The following TENM1 variants were observed in gnomAD, a reference collection of about 807,000 sequenced individuals.
TENM1 encodes the protein teneurin transmembrane protein 1.
A neutral mutation model predicts 174.8 loss-of-function variants in TENM1; 35 were observed. The observed-to-expected ratio is 0.20, with a 90% CI of 0.15 to 0.27. The LOEUF (loss-of-function observed/expected upper bound fraction) is 0.27. Among genes scored for constraint, TENM1 ranks in the 10% least tolerant of loss-of-function variants. The pLI is 1.00. For synonymous variants in TENM1, 781 were observed against 798.7 expected (o/e 0.98, Z 0.37); for missense variants, 1,633 against 2,130.1 (o/e 0.77, Z 4.59).
At chrX:125,203,965 G>T in the TENM1 span, 1 of 112,962 alleles carries the variant, frequency 8.9e-6, no homozygotes, top group Non-Finnish European at 1.9e-5. Context: ...TCGAGCTGCC[G>T]CTCGGGCCCC....
the TENM1 span, among the ~76,000 whole-genome samples, chrX:125,010,798 A>T: frequency 2.0e-5 from 2 of 102,294 alleles, no homozygotes; most frequent in Non-Finnish European, 3.9e-5. Context: ...TGGGCAACAG[A>T]GCAAGACTCC....
At chrX:124,820,064 G>A (rs1381144167) in intron 3 of TENM1, among the ~76,000 whole-genome samples, 2 of 110,849 alleles carry the variant, frequency 1.8e-5, no homozygotes, top group East Asian at 2.9e-4. Flanking sequence ...TGGGTGCTGG[G>A]ATTACAGGAG....
chrX:124,617,613 G>A (rs1162331047), intron 11 of TENM1, among the ~76,000 whole-genome samples: 1 of 112,085 alleles, frequency 8.9e-6, no homozygotes. Context: ...GACTGCATTA[G>A]GCCCTTCTAG....
chrX:124,746,165 T>C (rs2053914235), intron 3 of TENM1, among the ~76,000 whole-genome samples: 1 of 112,280 alleles, frequency 8.9e-6, no homozygotes, highest in Non-Finnish European at 1.9e-5. Context: ...TTCAAAAATT[T>C]AAAGTTTGAA....
the TENM1 span, among the ~76,000 whole-genome samples, chrX:125,038,895 G>T: frequency 9.0e-6 from 1 of 111,688 alleles, no homozygotes; most frequent in Admixed American, 9.5e-5. Flanking sequence ...TATTCCAAAA[G>T]ACTAGGCTTA....
intron 3 of TENM1, among the ~76,000 whole-genome samples, chrX:124,773,487 T>C (rs1232181366): frequency 1.9e-5 from 2 of 106,367 alleles, no homozygotes; most frequent in Non-Finnish European, 1.9e-5. Flanking sequence ...AAATGAAAAA[T>C]TGAGCTCACA....
intron 22 of TENM1, among the ~76,000 whole-genome samples, chrX:124,454,678 A>T (rs2061084809): frequency 8.9e-6 from 1 of 111,957 alleles, no homozygotes; most frequent in Non-Finnish European, 1.9e-5. Context: ...GTGGGATTAC[A>T]GGCGTGAGAT....
chrX:124,535,872 G>A (rs902819354), intron 15 of TENM1, among the ~76,000 whole-genome samples: 6 of 112,030 alleles, frequency 5.4e-5, no homozygotes, highest in Non-Finnish European at 1.1e-4. Flanking sequence ...CAGTGACTAC[G>A]TTGAGATTCC....
chrX:124,614,075 G>T (rs1042234841), intron 11 of TENM1, among the ~76,000 whole-genome samples: 1 of 111,568 alleles, frequency 9.0e-6, no homozygotes, highest in African/African-American at 3.3e-5. Flanking sequence ...CTGTTTTCTG[G>T]GGGGGTTGGG....
chrX:124,443,042 C>CTGTGTGTGTG lies in TENM1; in HGVS notation c.4104+10294_4104+10295insCACACACACA, dbSNP rs1288057201. Among the ~76,000 whole-genome samples the CTGTGTGTGTG allele has an allele frequency of 1.0e-3, 43 of 42,169 alleles. 1 individual carries two copies. The highest frequency in any genetic ancestry group is 4.5e-3 in the African/African-American group (42 of 9,266). 36.6% of individuals were successfully genotyped at this position (42,169 alleles called of 115,157 possible). On this transcript the variant is annotated intron_variant, in intron 23 of 31. Coordinates refer to ENST00000422452, the Ensembl canonical transcript of TENM1. The stretch of plus-strand genomic sequence containing the variant: ...GCTGTAACTTTTCATGCCTGGATGA[C>CTGTGTGTGTG]TATGTGTGTGTGTGTGTGTGTGTGT...
chrX:124,623,099 A>C (rs1371562964), intron 11 of TENM1, among the ~76,000 whole-genome samples: 1 of 112,206 alleles, frequency 8.9e-6, no homozygotes, highest in Non-Finnish European at 1.9e-5. Context: ...ATTCTTTATA[A>C]ATGGAAACAA....
intron 18 of TENM1, among the ~76,000 whole-genome samples, chrX:124,507,641 T>A (rs1364431602): frequency 8.9e-6 from 1 of 111,884 alleles, no homozygotes; most frequent in African/African-American, 3.3e-5. Flanking sequence ...TTGTATGACA[T>A]GGGGATGGCA....
intron 28 of TENM1, among the ~76,000 whole-genome samples, chrX:124,389,063 C>G (rs1227857679): frequency 1.8e-5 from 2 of 111,895 alleles, no homozygotes; most frequent in East Asian, 5.6e-4. Flanking sequence ...TTAATGACCA[C>G]ATAGAGAAAA....
intron 3 of TENM1, among the ~76,000 whole-genome samples, chrX:124,771,933 A>G (rs1445907695): frequency 8.9e-6 from 1 of 111,935 alleles, no homozygotes; most frequent in East Asian, 2.8e-4. Context: ...TTAAGTCCAT[A>G]TAATATTTAA....
chrX:124,476,471 C>T (rs2046726938), intron 22 of TENM1, among the ~76,000 whole-genome samples: 1 of 111,970 alleles, frequency 8.9e-6, no homozygotes. Flanking sequence ...TCCTATGGAA[C>T]AGCTCAGAGG....
At chrX:124,651,893 A>C in intron 8 of TENM1, 21 bp downstream of exon 11, 1 of 1,202,595 alleles carries the variant, frequency 8.3e-7, no homozygotes, top group Non-Finnish European at 1.1e-6. Flanking sequence ...TCAATTCAAC[A>C]TATTAGGCAA....
the TENM1 span, among the ~76,000 whole-genome samples, chrX:125,179,213 T>G: frequency 2.7e-5 from 3 of 111,332 alleles, no homozygotes; most frequent in Non-Finnish European, 5.7e-5. Context: ...ACTTCCGGAA[T>G]GTGAATGGCA....
chrX:124,505,578 A>C (rs886829988), intron 18 of TENM1, among the ~76,000 whole-genome samples: 3 of 111,529 alleles, frequency 2.7e-5, no homozygotes, highest in African/African-American at 9.8e-5. Context: ...ATCTATCATT[A>C]ACTAGCTGTG....
At chrX:125,078,298 T>C in the TENM1 span, among the ~76,000 whole-genome samples, 618 of 111,893 alleles carry the variant, frequency 5.5e-3, 2 homozygotes, top group African/African-American at 0.019. Flanking sequence ...TTCAGTTATT[T>C]TTACCAAGAA....
Sources: allele counts gnomAD v4.1 joint callset (sites outside exome capture counted in the v4.1 genomes callset), GRCh38; gene constraint gnomAD v4.1.1; transcripts MANE v1.5; gene names NCBI Gene and HGNC (gene_info 2026-07-23, HGNC 2026-07-21).